CSMD1: variants seen among roughly 807,000 people sequenced by gnomAD.
CSMD1 encodes the protein CUB and sushi domain-containing protein 1.
Under a neutral mutation model 417.5 loss-of-function variants are expected in CSMD1, and 213 were observed. That is an observed-to-expected ratio of 0.51 (90% CI 0.46 to 0.57). The LOEUF (loss-of-function observed/expected upper bound fraction) is 0.57, where lower values mean the gene tolerates loss of function less well. Among genes scored for constraint, CSMD1 ranks in the 20% least tolerant of loss-of-function variants. CSMD1 has a pLI of 0.00. For missense variants in CSMD1, 6,923 were observed against 4,529.7 expected, an observed-to-expected ratio of 1.53 and a Z score of -15.17; for synonymous variants, 2,862 against 1,736.8, an observed-to-expected ratio of 1.65 and a Z score of -16.11.
At chr8:3,791,638 G>C (rs1290500132) in intron 5 of CSMD1, among the ~76,000 whole-genome samples, 1 of 152,124 alleles carries the variant, frequency 6.6e-6, no homozygotes, top group African/African-American at 2.4e-5. Flanking sequence ...AGCCTGGTCA[G>C]CATGGCAAAA....
intron 3 of CSMD1, among the ~76,000 whole-genome samples, chr8:4,065,980 A>C (rs531823475): frequency 6.6e-6 from 1 of 152,346 alleles, no homozygotes; most frequent in South Asian, 2.1e-4. Flanking sequence ...GGTGAAAAAT[A>C]AAATAGGGGA....
At chr8:4,486,185 AT>A (rs1801388456) in intron 2 of CSMD1, among the ~76,000 whole-genome samples, 1 of 10,220 alleles carries the variant, frequency 9.8e-5, no homozygotes, top group Non-Finnish European at 1.8e-4. Context: ...ACATACATAT[AT>A]ATATATATAT....
intron 23 of CSMD1, among the ~76,000 whole-genome samples, chr8:3,319,655 A>G (rs1054495317): frequency 7.2e-5 from 11 of 152,178 alleles, no homozygotes; most frequent in Non-Finnish European, 1.5e-5. Context: ...ATTTTTAAAG[A>G]TGGGAGAATT....
At chr8:4,525,256 G>C (rs948882723) in intron 2 of CSMD1, among the ~76,000 whole-genome samples, 1 of 152,156 alleles carries the variant, frequency 6.6e-6, no homozygotes, top group Non-Finnish European at 1.5e-5. Context: ...CACTCGAACA[G>C]AGAGGAAAGG....
intron 40 of CSMD1, among the ~76,000 whole-genome samples, chr8:3,150,553 G>A (rs1163119782): frequency 1.3e-5 from 2 of 152,026 alleles, no homozygotes; most frequent in Non-Finnish European, 1.5e-5. Context: ...CTTCTTCCAG[G>A]GCAGTTATTT....
chr8:4,137,096 T>G (rs1048395652), intron 3 of CSMD1, among the ~76,000 whole-genome samples: 1 of 152,202 alleles, frequency 6.6e-6, no homozygotes, highest in African/African-American at 2.4e-5. Context: ...TCTGCTTATT[T>G]TGGGAGAATT....
rs149248659 is a variant in CSMD1, at chr8:3,112,096, A to C, written c.6431-1761T>G. 2.6e-5 allele frequency among the ~76,000 whole-genome samples: 4 copies of C among 151,918 alleles called. No individual in the cohort carries two copies. In the East Asian group the frequency reaches 7.9e-4, roughly 30 times the overall value. On this transcript the variant is annotated intron_variant, in intron 42 of 69. Transcript: ENST00000635120. ...AGCACACGGCTCCCACGAGACTGTC[A>C]GCCTCTAGCAGACAGGGTCTGCATC...
chr8:4,941,293 G>A (rs1292321794), intron 1 of CSMD1, among the ~76,000 whole-genome samples: 1 of 151,938 alleles, frequency 6.6e-6, no homozygotes, highest in Admixed American at 6.5e-5. Context: ...AAGTTATTTT[G>A]ATGTAATATA....
intron 5 of CSMD1, among the ~76,000 whole-genome samples, chr8:3,869,223 G>A (rs543895449): frequency 2.6e-5 from 4 of 152,090 alleles, no homozygotes; most frequent in Non-Finnish European, 5.9e-5. Flanking sequence ...GTGTTTCTCT[G>A]ATGCTCTGCC....
intron 1 of CSMD1, among the ~76,000 whole-genome samples, chr8:4,746,287 T>C (rs1429045351): frequency 1.3e-5 from 2 of 152,210 alleles, no homozygotes; most frequent in Non-Finnish European, 2.9e-5. Context: ...ACTTAGAGCC[T>C]GGTGCCCTTT....
At chr8:3,253,822 T>C (rs1182051934) in intron 26 of CSMD1, among the ~76,000 whole-genome samples, 1 of 152,192 alleles carries the variant, frequency 6.6e-6, no homozygotes, top group Non-Finnish European at 1.5e-5. Context: ...TCTTGACTCT[T>C]TATCCAATTT....
intron 5 of CSMD1, among the ~76,000 whole-genome samples, chr8:3,817,912 T>G (rs1801481252): frequency 6.6e-6 from 1 of 152,216 alleles, no homozygotes; most frequent in African/African-American, 2.4e-5. Flanking sequence ...TTCAGCCCTG[T>G]TAACTACCAG....
intron 1 of CSMD1, among the ~76,000 whole-genome samples, chr8:4,814,513 C>A (rs1279408477): frequency 1.3e-5 from 2 of 152,148 alleles, no homozygotes; most frequent in African/African-American, 4.8e-5. Context: ...TCCCAAAGCG[C>A]TGGGATTACA....
chr8:4,921,126 G>A (rs1478662592), intron 1 of CSMD1, among the ~76,000 whole-genome samples: 1 of 151,498 alleles, frequency 6.6e-6, no homozygotes, highest in Non-Finnish European at 1.5e-5. Context: ...GAAAAGAAAA[G>A]AAAGTAAAAG....
intron 12 of CSMD1, among the ~76,000 whole-genome samples, chr8:3,453,647 T>C (rs1280323837): frequency 6.6e-6 from 1 of 152,234 alleles, no homozygotes; most frequent in Non-Finnish European, 1.5e-5. Context: ...AATCCTGAAT[T>C]GTAGTTTTAT....
chr8:4,255,061 C>G (rs1185905784), intron 3 of CSMD1, among the ~76,000 whole-genome samples: 2 of 152,140 alleles, frequency 1.3e-5, no homozygotes, highest in African/African-American at 4.8e-5. Context: ...CAATTCTCAG[C>G]CTTTTTTATT....
chr8:4,495,132 T>G (rs1801915541), intron 2 of CSMD1, among the ~76,000 whole-genome samples: 1 of 152,144 alleles, frequency 6.6e-6, no homozygotes, highest in Non-Finnish European at 1.5e-5. Flanking sequence ...GGCAGCATTA[T>G]TATAAACAAG....
At chr8:3,367,553 T>C (rs147173451) in intron 19 of CSMD1, among the ~76,000 whole-genome samples, 14 of 152,226 alleles carry the variant, frequency 9.2e-5, no homozygotes, top group African/African-American at 3.4e-4. Context: ...AATCAAAATA[T>C]TAAAATGTTA....
chr8:4,916,005 C>G (rs1806044766), intron 1 of CSMD1, among the ~76,000 whole-genome samples: 1 of 152,180 alleles, frequency 6.6e-6, no homozygotes, highest in South Asian at 2.1e-4. Context: ...CTTGCAAGAG[C>G]TACACCTGTT....
Sources: gnomAD v4.1 joint callset for allele counts (sites outside exome capture counted in the v4.1 genomes callset) on GRCh38, gnomAD v4.1.1 for gene constraint, MANE v1.5 for transcripts, NCBI Gene and HGNC (gene_info 2026-07-23, HGNC 2026-07-21) for gene names.